NREP: variants seen among roughly 807,000 people sequenced by gnomAD.
NREP encodes the protein neuronal regeneration-related protein.
Under a neutral mutation model 8.6 loss-of-function variants are expected in NREP, and 5 were observed. That is an observed-to-expected ratio of 0.58 (90% CI 0.30 to 1.22). NREP has a LOEUF of 1.22. Ranked by LOEUF, NREP falls within the 50% of genes most tolerant of loss-of-function variation. NREP has a pLI of 0.07. For synonymous variants in NREP, 27 were observed against 28.0 expected (o/e 0.96, Z 0.11); for missense variants, 86 against 82.5 (o/e 1.04, Z -0.17).
intron 2 of NREP, among the ~76,000 whole-genome samples, chr5:111,838,402 T>C (rs929969917): frequency 1.3e-5 from 2 of 152,168 alleles, no homozygotes; most frequent in Admixed American, 6.6e-5. Context: ...GACTAGGCTA[T>C]AGTACATCCT....
intron 2 of NREP, among the ~76,000 whole-genome samples, chr5:111,783,713 G>T (rs913126824): frequency 2.0e-5 from 3 of 152,090 alleles, no homozygotes; most frequent in African/African-American, 4.8e-5. Context: ...TAATCATGTG[G>T]TTTTTCTCCT....
chr5:111,746,895 C>T (rs1750041634), intron 2 of NREP, among the ~76,000 whole-genome samples: 2 of 152,270 alleles, frequency 1.3e-5, no homozygotes, highest in South Asian at 4.1e-4. Context: ...ATTCCCTGCA[C>T]AGCATTCATT....
chr5:111,824,007 A>C (rs1752566272), intron 2 of NREP, among the ~76,000 whole-genome samples: 1 of 152,224 alleles, frequency 6.6e-6, no homozygotes, highest in Non-Finnish European at 1.5e-5. Context: ...AGATTAATGA[A>C]ATTAATACTG....
upstream of NREP, among the ~76,000 whole-genome samples, chr5:111,762,062 G>A (rs796466852): frequency 1.6e-4 from 25 of 152,230 alleles, no homozygotes; most frequent in African/African-American, 5.5e-4. Context: ...TAATTCACAT[G>A]AGTAAATATG....
At chr5:111,745,071 C>T (rs572478696) in intron 2 of NREP, among the ~76,000 whole-genome samples, 160 of 152,224 alleles carry the variant, frequency 1.1e-3, no homozygotes, top group African/African-American at 3.4e-3. Context: ...GTACAATCCA[C>T]TATAATGTTT....
At chr5:111,850,790 C>A (rs1190024751) in intron 2 of NREP, among the ~76,000 whole-genome samples, 1 of 152,090 alleles carries the variant, frequency 6.6e-6, no homozygotes, top group Non-Finnish European at 1.5e-5. Flanking sequence ...CCTTCAAGAA[C>A]TGATGGAGGG....
At chr5:111,966,227 A>C (rs1405268446) in intron 2 of NREP, among the ~76,000 whole-genome samples, 1 of 152,248 alleles carries the variant, frequency 6.6e-6, no homozygotes, top group Non-Finnish European at 1.5e-5. Flanking sequence ...ATTTGTCTTT[A>C]AGAAATTAGC....
At chr5:111,953,541 G>A (rs921926787) in intron 2 of NREP, among the ~76,000 whole-genome samples, 6 of 151,960 alleles carry the variant, frequency 3.9e-5, no homozygotes, top group Admixed American at 2.0e-4. Context: ...TCATGAGTTC[G>A]TGCACTATTT....
chr5:111,775,919 T>A (rs1751346155), intron 2 of NREP, among the ~76,000 whole-genome samples: 1 of 152,160 alleles, frequency 6.6e-6, no homozygotes. Context: ...AATAAAGGAA[T>A]GATAAGTGCT....
intron 2 of NREP, among the ~76,000 whole-genome samples, chr5:111,963,414 T>C (rs1045445432): frequency 6.6e-6 from 1 of 152,172 alleles, no homozygotes; most frequent in African/African-American, 2.4e-5. Context: ...CAAAATATAA[T>C]TCCACCAAGA....
At chr5:111,782,765 C>T (rs1213400) in intron 2 of NREP, among the ~76,000 whole-genome samples, 8,445 of 150,286 alleles carry the variant, frequency 0.056, 328 homozygotes, top group East Asian at 0.16. Flanking sequence ...TTGACAGTCT[C>T]GCTCTGTCAT....
At chr5:111,873,009 G>A (rs1438474618) in intron 2 of NREP, among the ~76,000 whole-genome samples, 1 of 152,040 alleles carries the variant, frequency 6.6e-6, no homozygotes, top group Non-Finnish European at 1.5e-5. Flanking sequence ...TATGTAGGTC[G>A]CATCACTTAT....
chr5:111,791,663 G>C (rs1388271651), intron 2 of NREP, among the ~76,000 whole-genome samples: 3 of 152,108 alleles, frequency 2.0e-5, no homozygotes, highest in South Asian at 4.1e-4. Context: ...TGTAGAGACA[G>C]GGTTTCTCTG....
At chr5:111,838,988 A>G (rs1335675108) in intron 2 of NREP, among the ~76,000 whole-genome samples, 3 of 152,006 alleles carry the variant, frequency 2.0e-5, no homozygotes, top group Admixed American at 6.6e-5. Context: ...AATGGGGGAA[A>G]ATGTCCGTAT....
chr5:111,912,404 T>TTAG (rs1754938425), intron 2 of NREP: 1 of 152,492 alleles, frequency 6.6e-6, no homozygotes, highest in African/African-American at 2.4e-5. Context: ...TGCCCTTGAC[T>TTAG]ACTAGTCTGT....
At chr5:111,779,778 A>G (rs74753440) in intron 2 of NREP, among the ~76,000 whole-genome samples, 5 of 152,352 alleles carry the variant, frequency 3.3e-5, no homozygotes, top group Non-Finnish European at 5.9e-5. Flanking sequence ...ACTTAACAGT[A>G]GGCTTTGGAA....
rs560895331 is a variant in NREP, at chr5:111,854,240, G to A, written c.136-118733C>T. 1.6e-3 allele frequency among the ~76,000 whole-genome samples: 245 copies of A among 152,252 alleles called. 1 individual carries two copies. The highest frequency in any genetic ancestry group is 5.7e-3 in the African/African-American group (235 of 41,538). On this transcript the variant is annotated intron_variant, in intron 2 of 3. Coordinates refer to the NREP transcript ENST00000395634. ...TTGTCATAAAGTCTGTGAAAAATCT[G>A]GCCACAAGCTTTTTAATTTGAGGGG...
chr5:111,959,395 A>G (rs1253897283), intron 2 of NREP, among the ~76,000 whole-genome samples: 4 of 151,982 alleles, frequency 2.6e-5, no homozygotes, highest in African/African-American at 9.7e-5. Context: ...GGGTGATTAC[A>G]CTTTCTGAAA....
In NREP at chr5:111,935,387, A is replaced by G. The variant is rs531889125; in HGVS notation, c.135+39887T>C. 2.6e-5 allele frequency among the ~76,000 whole-genome samples: 4 copies of G among 152,188 alleles called. No homozygotes were observed. In the East Asian group the frequency reaches 7.8e-4, roughly 30 times the overall value. On this transcript the variant is annotated intron_variant, in intron 2 of 3. Transcript: ENST00000395634. ...AAGGGCCAGGCACAAAGAAACAGGA[A>G]ATCTAAGCTTTGAACAACAGAGACC...
Sources: gnomAD v4.1 joint callset for allele counts (sites outside exome capture counted in the v4.1 genomes callset) on GRCh38, gnomAD v4.1.1 for gene constraint, MANE v1.5 for transcripts, NCBI Gene and HGNC (gene_info 2026-07-23, HGNC 2026-07-21) for gene names.